The following FOXK1 variants were observed in gnomAD, a reference collection of about 807,000 sequenced individuals.
The protein encoded by FOXK1 is forkhead box protein K1.
A neutral mutation model predicts 51.9 loss-of-function variants in FOXK1; 19 were observed. That is an observed-to-expected ratio of 0.37 (90% CI 0.26 to 0.54). The LOEUF is 0.54. FOXK1 is among the 20% of genes least tolerant of loss of function. FOXK1 has a pLI of 0.87. For synonymous variants in FOXK1, 537 were observed against 482.6 expected, an observed-to-expected ratio of 1.11 and a Z score of -1.48; for missense variants, 870 against 1,032.7, an observed-to-expected ratio of 0.84 and a Z score of 2.16.
intron 1 of FOXK1, among the ~76,000 whole-genome samples, chr7:4,698,045 G>C (rs949767035): frequency 1.3e-5 from 2 of 152,006 alleles, no homozygotes; most frequent in Non-Finnish European, 2.9e-5. Flanking sequence ...GGCTGGCCTT[G>C]AACTCCTGAC....
chr7:4,719,569 C>T (rs1780282573), intron 1 of FOXK1, among the ~76,000 whole-genome samples: 1 of 152,124 alleles, frequency 6.6e-6, no homozygotes, highest in African/African-American at 2.4e-5. Flanking sequence ...GCAACCTTTG[C>T]CTCCTGGGTT....
chr7:4,714,555 G>T (rs1780211519), intron 1 of FOXK1, among the ~76,000 whole-genome samples: 1 of 152,230 alleles, frequency 6.6e-6, no homozygotes, highest in African/African-American at 2.4e-5. Flanking sequence ...GATTACGGGC[G>T]TGAGCCACCA....
intron 1 of FOXK1, among the ~76,000 whole-genome samples, chr7:4,725,856 G>A (rs992721683): frequency 6.6e-6 from 1 of 152,220 alleles, no homozygotes; most frequent in Non-Finnish European, 1.5e-5. Context: ...CATGTGCTGG[G>A]CGTGGGCTGG....
intron 1 of FOXK1, among the ~76,000 whole-genome samples, chr7:4,737,256 A>G (rs902665930): frequency 1.3e-5 from 2 of 152,244 alleles, no homozygotes; most frequent in African/African-American, 4.8e-5. Flanking sequence ...ACAGAAAGTC[A>G]GAGGTCTCAA....
In FOXK1 at chr7:4,715,158, T is replaced by TGGTAGAACTGTGACGATACGGGGCAC. The variant is rs1247736594; in HGVS notation, c.561-25677_561-25676insAGAACTGTGACGATACGGGGCACGGT. Among the ~76,000 whole-genome samples the TGGTAGAACTGTGACGATACGGGGCAC allele has an allele frequency of 8.6e-6, 1 of 115,666 alleles. No individual in the cohort carries two copies. The highest frequency in any genetic ancestry group is 4.2e-5 in the African/African-American group (1 of 23,878). The allele number at this position is 115,666 out of a possible 152,430, so 75.9% of individuals were successfully genotyped here. On this transcript the variant is annotated intron_variant, in intron 1 of 8. Transcript: ENST00000328914. This position sits in a 1 kb window ranked among gnomAD's most constrained non-coding sequence, Gnocchi z 4.5. ...CACGGTGGAATTGTGATACGGTACA[T>TGGTAGAACTGTGACGATACGGGGCAC]GGTGGAACTGTGACGATACGGGGCA... is the stretch of plus-strand genomic sequence containing the variant.
At chr7:4,736,197 T>C (rs1481558425) in intron 1 of FOXK1, among the ~76,000 whole-genome samples, 1 of 152,138 alleles carries the variant, frequency 6.6e-6, no homozygotes, top group African/African-American at 2.4e-5. Flanking sequence ...TTTCTCCTCC[T>C]CCTAGTAATG....
rs935450052 is a variant in FOXK1 at position 4,733,172 on chromosome 7, T to G, written c.561-7666T>G. 1.3e-5 allele frequency among the ~76,000 whole-genome samples: 2 copies of G among 151,928 alleles called. No individual in the cohort carries two copies. Among genetic ancestry groups the G allele is most frequent in the African/African-American group, 4.8e-5 (2 of 41,314 alleles). On this transcript the variant is annotated intron_variant, in intron 1 of 8. Coordinates refer to ENST00000328914, the MANE Select transcript of FOXK1 (RefSeq NM_001037165.2). The surrounding 1 kb of genome is among the most constrained non-coding windows in gnomAD (Gnocchi z 5.0). Reference sequence around the variant, plus strand: ...GGGCCAAGTTTGTTTCTTTTATACGTGACGGTCTTTTTTTTTTTAATTTTA... The same window carrying G: ...GGGCCAAGTTTGTTTCTTTTATACGGGACGGTCTTTTTTTTTTTAATTTTA...
In FOXK1 at chr7:4,731,806, A is replaced by G. The variant is rs1405563844; in HGVS notation, c.561-9032A>G. On this transcript the variant is annotated intron_variant, in intron 1 of 8. Coordinates refer to ENST00000328914, the MANE Select transcript of FOXK1 (RefSeq NM_001037165.2). This position sits in a 1 kb window ranked among gnomAD's most constrained non-coding sequence, Gnocchi z 5.3. ...AACAGAGAGGCCTGCTTATAACACCATCCTTATCCTGGGCTGTTTTCCTTT... is the reference window on the plus strand; with the variant it reads ...AACAGAGAGGCCTGCTTATAACACCGTCCTTATCCTGGGCTGTTTTCCTTT... Among the ~76,000 whole-genome samples the G allele has an allele frequency of 1.3e-5, 2 of 151,200 alleles. No homozygotes were observed. The highest frequency in any genetic ancestry group is 4.9e-5 in the African/African-American group (2 of 41,148).
intron 1 of FOXK1, among the ~76,000 whole-genome samples, chr7:4,718,823 G>A (rs969820955): frequency 1.3e-5 from 2 of 152,086 alleles, no homozygotes; most frequent in Non-Finnish European, 2.9e-5. Flanking sequence ...TTGTTTGTTT[G>A]TTTGAGACGG....
rs971855944 is a variant in FOXK1 at position 4,743,029 on chromosome 7, C to G, written c.746+2006C>G. On this transcript the variant is annotated intron_variant, in intron 2 of 8. Coordinates refer to ENST00000328914, the MANE Select transcript of FOXK1 (RefSeq NM_001037165.2). The surrounding 1 kb of genome is among the most constrained non-coding windows in gnomAD (Gnocchi z 5.3). ...ACTCTGTGCGGTCACTTCAGCCCCC[C>G]ACCTTCCCGGGCCCGGTTCCCGTCT... is the stretch of plus-strand genomic sequence containing the variant. Among the ~76,000 whole-genome samples, 7 of 152,204 alleles carry G rather than the reference C, an allele frequency of 4.6e-5. No homozygotes were observed. Among genetic ancestry groups the G allele is most frequent in the African/African-American group, 1.7e-4 (7 of 41,440 alleles).
intron 1 of FOXK1, among the ~76,000 whole-genome samples, chr7:4,721,181 A>T (rs1780304602): frequency 6.6e-6 from 1 of 152,146 alleles, no homozygotes; most frequent in African/African-American, 2.4e-5. Flanking sequence ...TTCTCCGTTC[A>T]GTCTGCACGC....
chr7:4,689,770 G>A (rs1053607961), intron 1 of FOXK1, among the ~76,000 whole-genome samples: 2 of 152,196 alleles, frequency 1.3e-5, no homozygotes, highest in Admixed American at 6.5e-5. Flanking sequence ...ACCTGGGGAA[G>A]TCGAATGCCC....
intron 1 of FOXK1, among the ~76,000 whole-genome samples, chr7:4,708,216 T>G (rs2115039539): frequency 6.6e-6 from 1 of 152,322 alleles, no homozygotes; most frequent in East Asian, 1.9e-4. Flanking sequence ...TGATGCTGTG[T>G]GGCTTTGTTT....
intron 2 of FOXK1, among the ~76,000 whole-genome samples, chr7:4,751,677 G>T (rs866168023): frequency 1.3e-5 from 2 of 152,230 alleles, no homozygotes; most frequent in African/African-American, 4.8e-5. Context: ...TTGAGAGACG[G>T]GCTGCTCCGA....
rs932865782 is a variant in FOXK1, at chr7:4,745,351, C to G, written c.746+4328C>G. On this transcript the variant is annotated intron_variant, in intron 2 of 8. Coordinates refer to ENST00000328914, the MANE Select transcript of FOXK1 (RefSeq NM_001037165.2). The surrounding 1 kb of genome is among the most constrained non-coding windows in gnomAD (Gnocchi z 4.3). ...TGGGAGCGGCTTTTTCCTGGGGGAGCCTCCCTGATCAGCTGCCCCTGCCCC... is the reference window on the plus strand; with the variant it reads ...TGGGAGCGGCTTTTTCCTGGGGGAGGCTCCCTGATCAGCTGCCCCTGCCCC... Among the ~76,000 whole-genome samples the G allele has an allele frequency of 2.0e-5, 3 of 152,104 alleles. No homozygotes were observed. The highest frequency in any genetic ancestry group is 4.8e-5 in the African/African-American group (2 of 41,502).
rs143086698 is a variant in FOXK1 at position 4,762,254 on chromosome 7, G to A, written c.1992G>A (p.Val664=). 153 of 1,552,012 alleles carry A rather than the reference G, an allele frequency of 9.9e-5. 1 individual carries two copies. In the South Asian group the frequency reaches 1.7e-3, roughly 17 times the overall value. ...CCGCGCCGGTGGTGGTCACCCGGGT[G>A]TGCGAGGTGGGGCCCAAGGAGCCAG... ...SSSAPVVVTR[V]CEVGPKEPAA... Residue 664 remains valine, a synonymous_variant, in exon 9 of 9, where the codon GTG becomes GTA. Transcript: ENST00000328914. The surrounding 1 kb of genome is among the most constrained non-coding windows in gnomAD (Gnocchi z 5.7).
At position 4,735,695 on chromosome 7, in the gene FOXK1, C is replaced by T. The variant is rs756689690; in HGVS notation, c.561-5143C>T. On this transcript the variant is annotated intron_variant, in intron 1 of 8. Transcript: ENST00000328914. The surrounding 1 kb of genome is among the most constrained non-coding windows in gnomAD (Gnocchi z 4.7). ...CACTTAACCTTAGCGGAATCTCCGC[C>T]GGTCAAGACCGGCAGTGTGTGTGGC... 4.6e-5 allele frequency among the ~76,000 whole-genome samples: 7 copies of T among 152,306 alleles called. No individual in the cohort carries two copies. The East Asian group carries it at 5.8e-4, about 13-fold the overall frequency.
rs1243690934 is a variant in FOXK1 at position 4,703,709 on chromosome 7, G to A, written c.560+20841G>A. 6.6e-6 allele frequency among the ~76,000 whole-genome samples: 1 copy of A among 152,196 alleles called. No individual in the cohort carries two copies. The highest frequency in any genetic ancestry group is 2.4e-5 in the African/African-American group (1 of 41,442). ...TGGTGCGCCATGCAATTGACATAGC[G>A]CTGCTCGGGCGACCAGGAGGCCCTT... On this transcript the variant is annotated intron_variant, in intron 1 of 8. Coordinates refer to ENST00000328914, the MANE Select transcript of FOXK1 (RefSeq NM_001037165.2). The surrounding 1 kb of genome is among the most constrained non-coding windows in gnomAD (Gnocchi z 5.6).
chr7:4,718,054 C>T (rs1780259072), intron 1 of FOXK1, among the ~76,000 whole-genome samples: 1 of 152,176 alleles, frequency 6.6e-6, no homozygotes, highest in Non-Finnish European at 1.5e-5. Context: ...CTCTGGGGGC[C>T]CTGTTGCCCG....
Sources: gnomAD v4.1 joint callset for allele counts (sites outside exome capture counted in the v4.1 genomes callset) on GRCh38, gnomAD v4.1.1 for gene constraint, Gnocchi (gnomAD v3.1) non-coding constraint, MANE v1.5 for transcripts, NCBI Gene and HGNC (gene_info 2026-07-23, HGNC 2026-07-21) for gene names.